OSBPL9: variants seen among roughly 807,000 people sequenced by gnomAD.
The protein encoded by OSBPL9 is oxysterol binding protein like 9.
Under a neutral mutation model 106.6 loss-of-function variants are expected in OSBPL9, and 40 were observed. The ratio of observed to expected loss-of-function variants is 0.38; its 90% confidence interval spans 0.29 to 0.49. OSBPL9 has a LOEUF of 0.49. Ranked by LOEUF, OSBPL9 falls within the 20% of genes least tolerant of loss-of-function variation. OSBPL9 has a pLI of 0.97. For synonymous variants in OSBPL9, 269 were observed against 295.4 expected (o/e 0.91, Z 0.92); for missense variants, 609 against 887.2 (o/e 0.69, Z 3.98).
At chr1:51,550,582 G>A in the OSBPL9 span, among the ~76,000 whole-genome samples, 9 of 151,994 alleles carry the variant, frequency 5.9e-5, no homozygotes, top group Non-Finnish European at 1.2e-4. Context: ...GTGCGATCTC[G>A]GCCCACTGCA....
At chr1:51,627,155 C>T (rs1644815430) in intron 1 of OSBPL9, among the ~76,000 whole-genome samples, 1 of 152,174 alleles carries the variant, frequency 6.6e-6, no homozygotes, top group African/African-American at 2.4e-5. Flanking sequence ...AGGCTTGTGC[C>T]ACCATGTGGG....
At chr1:51,575,367 ATT>A (rs66865959), upstream of OSBPL9, among the ~76,000 whole-genome samples, 7 of 141,316 alleles carry the variant, frequency 5.0e-5, no homozygotes, top group African/African-American at 5.2e-5. Context: ...CACCCGGCTA[ATT>A]TTTTTTTTTT....
At chr1:51,534,783 A>AC in the OSBPL9 span, among the ~76,000 whole-genome samples, 1 of 152,104 alleles carries the variant, frequency 6.6e-6, no homozygotes, top group Admixed American at 6.6e-5. Flanking sequence ...AAGTATTGAA[A>AC]CCATTAATTT....
At chr1:51,529,472 T>C in the OSBPL9 span, among the ~76,000 whole-genome samples, 1 of 152,068 alleles carries the variant, frequency 6.6e-6, no homozygotes, top group Non-Finnish European at 1.5e-5. Flanking sequence ...CTTGATCTCC[T>C]GACCTCATGA....
At chr1:51,752,667 C>T (rs1235375628) in intron 8 of OSBPL9, 2 of 413,712 alleles carry the variant, frequency 4.8e-6, no homozygotes, top group Non-Finnish European at 9.7e-6. Flanking sequence ...TGTTCAGTTT[C>T]TGATGAGGGT....
the OSBPL9 span, among the ~76,000 whole-genome samples, chr1:51,553,923 C>T: frequency 6.6e-6 from 1 of 152,212 alleles, no homozygotes; most frequent in Non-Finnish European, 1.5e-5. Context: ...AGGTGATCCA[C>T]CCGCCTCAGC....
At chr1:51,632,201 A>G (rs2148655757) in intron 1 of OSBPL9, among the ~76,000 whole-genome samples, 1 of 152,342 alleles carries the variant, frequency 6.6e-6, no homozygotes, top group African/African-American at 2.4e-5. Flanking sequence ...ATTATCAAGT[A>G]TTATGTACTG....
rs757038967 is a variant in OSBPL9, at chr1:51,767,393, T to TA, written c.938+1428dup. Among the ~76,000 whole-genome samples the TA allele has an allele frequency of 4.9e-3, 682 of 138,774 alleles. 2 individuals carry two copies. Among genetic ancestry groups the TA allele is most frequent in the East Asian group, 0.027 (132 of 4,874 alleles). The allele number at this position is 138,774 out of a possible 152,430, so 91.0% of individuals were successfully genotyped here. The stretch of plus-strand genomic sequence containing the variant: ...GGGTGACAAGAGTGAGACTCTGTCT[T>TA]AAAAAAAAAAAAAAAAGAAGTAGAA... On this transcript the variant is annotated intron_variant, in intron 12 of 23. Coordinates refer to ENST00000428468, the MANE Select transcript of OSBPL9 (RefSeq NM_024586.6).
At chr1:51,650,884 T>G (rs1270962883) in intron 1 of OSBPL9, among the ~76,000 whole-genome samples, 3 of 152,236 alleles carry the variant, frequency 2.0e-5, no homozygotes, top group Non-Finnish European at 2.9e-5. Context: ...AACATAGGCT[T>G]TGCTTGGCTC....
chr1:51,687,002 T>C (rs145339599), intron 3 of OSBPL9, among the ~76,000 whole-genome samples: 1 of 152,334 alleles, frequency 6.6e-6, no homozygotes, highest in Non-Finnish European at 1.5e-5. Context: ...TGTTGTGAGA[T>C]TAGAGAAATG....
intron 1 of OSBPL9, among the ~76,000 whole-genome samples, chr1:51,588,292 G>A (rs1645257265): frequency 6.6e-6 from 1 of 152,216 alleles, no homozygotes; most frequent in South Asian, 2.1e-4. Flanking sequence ...TGAGGCAGGA[G>A]AATTGCTTGA....
intron 16 of OSBPL9, 60 bp from the exon 17 acceptor site, chr1:51,782,497 ATT>A: frequency 6.8e-7 from 1 of 1,466,136 alleles, no homozygotes; most frequent in Non-Finnish European, 9.5e-7. Context: ...CAATTACCAG[ATT>A]CTCTGAAATG....
At chr1:51,538,137 C>T in the OSBPL9 span, among the ~76,000 whole-genome samples, 9 of 151,998 alleles carry the variant, frequency 5.9e-5, no homozygotes, top group East Asian at 1.6e-3. Context: ...CTAAAAAATA[C>T]AAAATTTAGC....
In OSBPL9 at chr1:51,781,338, G is replaced by A. The variant is rs1208487448; in HGVS notation, c.1428+3G>A. 6.2e-7 allele frequency: 1 copy of A among 1,613,538 alleles called. No individual in the cohort carries two copies. Among genetic ancestry groups the A allele is most frequent in the South Asian group, 1.1e-5 (1 of 91,058 alleles). Reference sequence around the variant, plus strand: ...CAAATGATACTGAAGAGAACACAGTGAGTTCTGCATTGACATTTTTAAATT... The same window carrying A: ...CAAATGATACTGAAGAGAACACAGTAAGTTCTGCATTGACATTTTTAAATT... On this transcript the variant is annotated splice_donor_region_variant and intron_variant, in intron 16 of 23. Coordinates refer to ENST00000428468, the MANE Select transcript of OSBPL9 (RefSeq NM_024586.6).
chr1:51,735,875 G>C (rs1359110024), intron 4 of OSBPL9, among the ~76,000 whole-genome samples: 1 of 152,128 alleles, frequency 6.6e-6, no homozygotes, highest in African/African-American at 2.4e-5. Flanking sequence ...TTTTCTCCTA[G>C]TTAGTTTCTC....
intron 2 of OSBPL9, among the ~76,000 whole-genome samples, chr1:51,603,156 A>C (rs1424383832): frequency 6.6e-6 from 1 of 151,936 alleles, no homozygotes; most frequent in Non-Finnish European, 1.5e-5. Flanking sequence ...CCCTGTCTCA[A>C]AACAAAAACA....
At chr1:51,787,683 A>C in intron 23 of OSBPL9, 32 bp from the exon 24 acceptor site, 1 of 1,603,594 alleles carries the variant, frequency 6.2e-7, no homozygotes, top group Non-Finnish European at 8.5e-7. Flanking sequence ...CAAAGCAAAT[A>C]TGTAACTAAA....
At chr1:51,696,131 A>G (rs572975775) in intron 3 of OSBPL9, among the ~76,000 whole-genome samples, 1 of 152,320 alleles carries the variant, frequency 6.6e-6, no homozygotes, top group Non-Finnish European at 1.5e-5. Context: ...TTGCCTGAGC[A>G]TTGGAATATT....
At chr1:51,558,152 C>T in the OSBPL9 span, among the ~76,000 whole-genome samples, 30 of 151,780 alleles carry the variant, frequency 2.0e-4, no homozygotes, top group South Asian at 6.2e-4. Flanking sequence ...TAGTGGCGGG[C>T]GCCTGTAGTC....
Sources: allele counts gnomAD v4.1 joint callset (sites outside exome capture counted in the v4.1 genomes callset), GRCh38; gene constraint gnomAD v4.1.1; transcripts MANE v1.5; gene names NCBI Gene and HGNC (gene_info 2026-07-23, HGNC 2026-07-21).